Variants in PTPRD observed in about 807,000 individuals in gnomAD.
The protein encoded by PTPRD is protein tyrosine phosphatase receptor type D, also known as receptor-type tyrosine-protein phosphatase delta.
A neutral mutation model predicts 214.5 loss-of-function variants in PTPRD; 34 were observed. The observed-to-expected ratio is 0.16, with a 90% CI of 0.12 to 0.21. PTPRD has a LOEUF of 0.21. PTPRD is among the 10% of genes least tolerant of loss of function. The probability of loss-of-function intolerance (pLI) is 1.00; values close to 1 mark genes in which losing one functional copy is unlikely to be tolerated. For missense variants in PTPRD, 2,545 were observed against 2,398.7 expected (o/e 1.06, Z -1.27); for synonymous variants, 1,128 against 845.7 (o/e 1.33, Z -5.79).
At chr9:9,123,316 C>A (rs1402448210) in intron 10 of PTPRD, among the ~76,000 whole-genome samples, 4 of 152,260 alleles carry the variant, frequency 2.6e-5, no homozygotes, top group South Asian at 2.1e-4. Context: ...ATGCTAGCAC[C>A]ATTTCCCCTT....
At chr9:9,985,614 T>G (rs1401785883) in intron 4 of PTPRD, among the ~76,000 whole-genome samples, 1 of 152,116 alleles carries the variant, frequency 6.6e-6, no homozygotes, top group East Asian at 1.9e-4. Context: ...AAAGGAACTT[T>G]AAATACTTAT....
chr9:8,517,963 G>C lies in PTPRD; in HGVS notation c.1428C>G (p.Ile476Met), dbSNP rs1398028690. ...WMKHNVADSQITTIGNLVPQK... is the reference protein window; with the variant it reads ...WMKHNVADSQMTTIGNLVPQK... The stretch of plus-strand genomic sequence containing the variant: ...GGGGCACTAAGTTGCCAATAGTAGT[G>C]ATTTGGCTGTCAGCTACATTGTGTT... The change falls in exon 21 of 46, where the codon ATC becomes ATG. Residue 476 changes from isoleucine to methionine, a missense_variant. Coordinates refer to ENST00000381196, the MANE Select transcript of PTPRD (RefSeq NM_002839.4). 1.2e-6 allele frequency: 2 copies of C among 1,614,186 alleles called. No homozygotes were observed. The highest frequency in any genetic ancestry group is 1.7e-5 in the Admixed American group (1 of 60,028).
chr9:9,223,569 C>T (rs1021206286), intron 9 of PTPRD, among the ~76,000 whole-genome samples: 7 of 151,776 alleles, frequency 4.6e-5, no homozygotes, highest in African/African-American at 1.5e-4. Flanking sequence ...CTAACAAATG[C>T]CTTCATTATT....
intron 21 of PTPRD, 142 bp downstream of exon 21, chr9:8,517,706 T>A (rs1032282001): frequency 2.9e-6 from 2 of 683,264 alleles, no homozygotes; most frequent in African/African-American, 3.6e-5. Context: ...CCTTTTCAGA[T>A]ATCTATCATC....
At chr9:8,712,735 G>T (rs191391019) in intron 12 of PTPRD, among the ~76,000 whole-genome samples, 1 of 149,316 alleles carries the variant, frequency 6.7e-6, no homozygotes, top group African/African-American at 2.4e-5. Flanking sequence ...GGGGGTGGGG[G>T]GCATGGACTT....
At chr9:9,887,423 G>C (rs906904367) in intron 5 of PTPRD, among the ~76,000 whole-genome samples, 2 of 152,100 alleles carry the variant, frequency 1.3e-5, no homozygotes, top group Admixed American at 6.6e-5. Context: ...AGTCATGTGT[G>C]GCTTAAGAGG....
rs1471299596 is a variant in PTPRD, at chr9:10,028,276, T to C, written c.-472+5442A>G. 5.9e-5 allele frequency among the ~76,000 whole-genome samples: 9 copies of C among 152,344 alleles called. No homozygotes were observed. In the South Asian group the frequency reaches 1.4e-3, roughly 25 times the overall value. On this transcript the variant is annotated intron_variant, in intron 4 of 45. Transcript: ENST00000381196. ...TGGAACTGTAAGTCTATTAAACCTTTTTCTTTTGTAAATTGCTCAGTCTTG... is the reference window on the plus strand; with the variant it reads ...TGGAACTGTAAGTCTATTAAACCTTCTTCTTTTGTAAATTGCTCAGTCTTG...
chr9:9,369,493 GTAGATTCTGGA>G (rs1302466112), intron 9 of PTPRD, among the ~76,000 whole-genome samples: 12 of 152,060 alleles, frequency 7.9e-5, no homozygotes, highest in Non-Finnish European at 1.6e-4. Flanking sequence ...GGAGTTCATT[GTAGATTCTGGA>G]TATTAGCCTT....
chr9:9,833,686 G>T (rs566234497), intron 5 of PTPRD, among the ~76,000 whole-genome samples: 1 of 148,702 alleles, frequency 6.7e-6, no homozygotes, highest in Admixed American at 6.8e-5. Context: ...TCCGGAGAGG[G>T]GGGCAGTTCA....
chr9:9,688,457 G>A (rs1049011573), intron 7 of PTPRD, among the ~76,000 whole-genome samples: 29 of 151,918 alleles, frequency 1.9e-4, no homozygotes, highest in African/African-American at 6.3e-4. Flanking sequence ...TCCCCTCAAT[G>A]TTTTGTTGTT....
rs181712471 is a variant in PTPRD at position 10,594,039 on chromosome 9, G to C, written c.-600+18359C>G. Among the ~76,000 whole-genome samples the C allele has an allele frequency of 3.6e-3, 554 of 151,976 alleles. 5 individuals are homozygous for C. The highest frequency in any genetic ancestry group is 0.013 in the African/African-American group (533 of 41,514). ...GAAATTTTTCCCTTTCTCGCTATAA[G>C]AATAACTAAACTTTTTGTGTTGTGC... On this transcript the variant is annotated intron_variant, in intron 2 of 45. Coordinates refer to ENST00000381196, the MANE Select transcript of PTPRD (RefSeq NM_002839.4).
At chr9:8,493,402 A>G (rs1345912984) in intron 26 of PTPRD, among the ~76,000 whole-genome samples, 1 of 152,206 alleles carries the variant, frequency 6.6e-6, no homozygotes, top group Non-Finnish European at 1.5e-5. Flanking sequence ...GCTTATAGGA[A>G]GCATTCCATT....
chr9:9,133,707 G>A lies in PTPRD; in HGVS notation c.-143+49597C>T, dbSNP rs190583200. Among the ~76,000 whole-genome samples the A allele has an allele frequency of 2.2e-3, 342 of 152,274 alleles. 2 individuals are homozygous for A. The highest frequency in any genetic ancestry group is 7.8e-3 in the African/African-American group (324 of 41,562). ...TTACTGAACAATCGCAGTCATGTAT[G>A]GCCACTGAGTCTGTAAGGATGCTGC... On this transcript the variant is annotated intron_variant, in intron 10 of 45. Transcript: ENST00000381196.
intron 14 of PTPRD, among the ~76,000 whole-genome samples, chr9:8,564,401 T>C (rs527814000): frequency 1.4e-4 from 22 of 152,200 alleles, no homozygotes; most frequent in South Asian, 6.2e-4. Context: ...CTTTTTAAAA[T>C]AAAAGTTGAT....
rs1207396667 is a variant in PTPRD at position 8,492,615 on chromosome 9, A to C, written c.2467+247T>G. 6.7e-4 allele frequency among the ~76,000 whole-genome samples: 22 copies of C among 33,034 alleles called. No individual in the cohort carries two copies. In the African/African-American group the frequency reaches 0.011, roughly 17 times the overall value. The allele number at this position is 33,034 out of a possible 152,430, so 21.7% of individuals were successfully genotyped here. A position where few individuals can be genotyped will look rare whatever the true frequency, so the allele number is the denominator to read the frequency against. On this transcript the variant is annotated intron_variant, in intron 27 of 45. Coordinates refer to ENST00000381196, the MANE Select transcript of PTPRD (RefSeq NM_002839.4). Reference sequence around the variant, plus strand: ...AGTGCCTGACACACAGAAGGTGCTCAAAAAAAAAAAAAAAAAAAATACTTA... The same window carrying C: ...AGTGCCTGACACACAGAAGGTGCTCCAAAAAAAAAAAAAAAAAAATACTTA...
chr9:8,998,012 A>AGTT (rs1450741576), intron 11 of PTPRD, among the ~76,000 whole-genome samples: 1 of 152,076 alleles, frequency 6.6e-6, no homozygotes, highest in East Asian at 1.9e-4. Flanking sequence ...GCAGAAGAAA[A>AGTT]GTTGGAATCT....
intron 12 of PTPRD, among the ~76,000 whole-genome samples, chr9:8,711,423 C>A (rs1250968162): frequency 6.6e-6 from 1 of 152,000 alleles, no homozygotes; most frequent in Non-Finnish European, 1.5e-5. Context: ...ATTTAATTAG[C>A]ATACAGTAAC....
chr9:10,208,384 G>C (rs1329666053), intron 3 of PTPRD, among the ~76,000 whole-genome samples: 2 of 152,084 alleles, frequency 1.3e-5, no homozygotes, highest in Admixed American at 6.5e-5. Context: ...CGTGGTGGCG[G>C]GCGCCTGTAG....
intron 8 of PTPRD, among the ~76,000 whole-genome samples, chr9:9,437,135 C>T (rs1371923424): frequency 6.6e-6 from 1 of 152,138 alleles, no homozygotes; most frequent in South Asian, 2.1e-4. Context: ...GCACATTCTG[C>T]CTTTATTGGC....
Sources: gnomAD v4.1 joint callset for allele counts (sites outside exome capture counted in the v4.1 genomes callset) on GRCh38, gnomAD v4.1.1 for gene constraint, MANE v1.5 for transcripts, NCBI Gene and HGNC (gene_info 2026-07-23, HGNC 2026-07-21) for gene names.